ENKUR: variants seen among roughly 807,000 people sequenced by gnomAD.
ENKUR encodes enkurin.
ENKUR carries 19 observed loss-of-function variants against 27.6 expected under a neutral mutation model. The ratio of observed to expected loss-of-function variants is 0.69; its 90% CI spans 0.48 to 1.01. The LOEUF is 1.01. ENKUR is among the 50% of genes least tolerant of loss of function. The probability of loss-of-function intolerance (pLI) is 0.00; values close to 1 mark genes in which losing one functional copy is unlikely to be tolerated. For missense variants in ENKUR, 312 were observed against 310.5 expected (o/e 1.00, Z -0.04); for synonymous variants, 117 against 96.9 (o/e 1.21, Z -1.22).
At chr10:25,023,166 T>C (rs1320620374) in intron 2 of ENKUR, 1 of 1,519,390 alleles carries the variant, frequency 6.6e-7, no homozygotes, top group Non-Finnish European at 8.8e-7. Context: ...TTGTTTTGTG[T>C]TTTGAAAAGG....
At chr10:25,061,396 A>T (rs1851326143) in intron 1 of ENKUR, 1 of 456,666 alleles carries the variant, frequency 2.2e-6, no homozygotes. Flanking sequence ...CAGTGCACAG[A>T]TGGCAAGGTG....
intron 2 of ENKUR, among the ~76,000 whole-genome samples, chr10:25,022,630 G>A (rs1330774504): frequency 6.6e-6 from 1 of 152,112 alleles, no homozygotes; most frequent in Admixed American, 6.5e-5. Context: ...TTTTATTCTG[G>A]TTTCCTGTTA....
chr10:25,016,234 CTCTTTCT>C (rs1850569199), upstream of ENKUR: 7 of 1,063,140 alleles, frequency 6.6e-6, no homozygotes, highest in Admixed American at 5.1e-5. Context: ...CCCCTCTTCC[CTCTTTCT>C]GCAGCGCCTT....
At chr10:25,016,441 A>G (rs1292657824), upstream of ENKUR, among the ~76,000 whole-genome samples, 1 of 152,244 alleles carries the variant, frequency 6.6e-6, no homozygotes, top group South Asian at 2.1e-4. Flanking sequence ...TTTTGTGAGC[A>G]GGCCCCAATC....
intron 2 of ENKUR, among the ~76,000 whole-genome samples, chr10:25,044,762 C>T (rs1171055107): frequency 2.6e-5 from 4 of 152,214 alleles, no homozygotes; most frequent in Non-Finnish European, 4.4e-5. Context: ...CTGCTCAGTT[C>T]GTTCTTTCCA....
intron 2 of ENKUR, among the ~76,000 whole-genome samples, chr10:25,043,476 C>G (rs914093346): frequency 1.4e-4 from 22 of 151,960 alleles, no homozygotes; most frequent in African/African-American, 4.8e-4. Context: ...ACATCTTTCC[C>G]CCAGTATATA....
intron 1 of ENKUR, among the ~76,000 whole-genome samples, chr10:25,005,761 C>T (rs1850299292): frequency 6.6e-6 from 1 of 152,230 alleles, no homozygotes; most frequent in South Asian, 2.1e-4. Context: ...GGTTGTCTGT[C>T]ATAGCTCTGA....
chr10:25,029,509 T>C (rs1805464617), intron 2 of ENKUR, among the ~76,000 whole-genome samples: 1 of 152,038 alleles, frequency 6.6e-6, no homozygotes, highest in Non-Finnish European at 1.5e-5. Flanking sequence ...ATCCATTAAA[T>C]CGTTTATAAA....
intron 4 of ENKUR, among the ~76,000 whole-genome samples, chr10:24,990,059 G>T (rs950582801): frequency 2.6e-5 from 4 of 152,076 alleles, no homozygotes; most frequent in African/African-American, 9.7e-5. Flanking sequence ...TTGTTTTAAG[G>T]ACAGTTTCAA....
Position 24,999,475 on chromosome 10 carries a change from C to G in ENKUR, c.149G>C (p.Gly50Ala). 1.2e-6 allele frequency: 2 copies of G among 1,613,086 alleles called. No homozygotes were observed. The highest frequency in any genetic ancestry group is 1.7e-6 in the Non-Finnish European group (2 of 1,179,600). Reference protein sequence around the residue: ...QKAKTAMKTMGPAKVEVPSPK... With the variant: ...QKAKTAMKTMAPAKVEVPSPK... ...AGAAGGTACTTCAACTTTTGCTGGT[C>G]CCATAGTTTTCATTGCAGTTTTAGC... The change falls in exon 2 of 6, where the codon GGA (glycine) becomes GCA (alanine). Residue 50 changes from glycine (G) to alanine (A), a missense_variant. Coordinates refer to ENST00000331161, the MANE Select transcript of ENKUR (RefSeq NM_145010.4).
intron 2 of ENKUR, among the ~76,000 whole-genome samples, chr10:25,056,971 A>C (rs1302872300): frequency 6.6e-6 from 1 of 152,208 alleles, no homozygotes; most frequent in East Asian, 1.9e-4. Flanking sequence ...GACAGATGTC[A>C]TAGCTAGAGC....
chr10:25,012,390 T>C (rs1393531366), intron 1 of ENKUR, among the ~76,000 whole-genome samples: 1 of 152,132 alleles, frequency 6.6e-6, no homozygotes, highest in Non-Finnish European at 1.5e-5. Context: ...ACTGAGAGCA[T>C]GCACCATGCA....
chr10:25,013,070 C>G (rs1850486927), intron 1 of ENKUR, among the ~76,000 whole-genome samples: 1 of 152,086 alleles, frequency 6.6e-6, no homozygotes, highest in Non-Finnish European at 1.5e-5. Context: ...GGGGAGTTCC[C>G]CTGCACACAC....
intron 2 of ENKUR, among the ~76,000 whole-genome samples, chr10:25,044,520 C>T (rs1463364196): frequency 6.6e-6 from 1 of 152,158 alleles, no homozygotes; most frequent in East Asian, 1.9e-4. Context: ...CCTCAGCCTC[C>T]CAAGCAGCTG....
intron 1 of ENKUR, among the ~76,000 whole-genome samples, chr10:25,012,153 T>C (rs2087782): frequency 0.34 from 51,082 of 152,150 alleles, 8,845 homozygotes; most frequent in East Asian, 0.5. Context: ...AAGTCAAGAA[T>C]TGAGGTTTGG....
intron 2 of ENKUR, among the ~76,000 whole-genome samples, chr10:25,045,774 A>G (rs1007482321): frequency 6.6e-6 from 1 of 152,206 alleles, no homozygotes; most frequent in African/African-American, 2.4e-5. Flanking sequence ...CTTGTTTATA[A>G]AACAAAAAAC....
upstream of ENKUR, chr10:25,016,180 A>T: frequency 8.5e-7 from 1 of 1,183,156 alleles, no homozygotes; most frequent in Non-Finnish European, 1.0e-6. Flanking sequence ...GGAAACCGTT[A>T]CTAGGCAACG....
At chr10:25,023,848 C>G (rs777422006) in intron 2 of ENKUR, 2 of 1,614,072 alleles carry the variant, frequency 1.2e-6, no homozygotes, top group South Asian at 1.1e-5. Context: ...TGGGGCTTCC[C>G]CAGAGGAGGT....
At position 24,983,155 on chromosome 10, in the gene ENKUR, C is replaced by A. The variant is rs998894162; in HGVS notation, c.*1215G>T. 6.6e-6 allele frequency: 1 copy of A among 152,134 alleles called. No individual in the cohort carries two copies. Among genetic ancestry groups the A allele is most frequent in the Admixed American group, 6.5e-5 (1 of 15,274 alleles). 9.4% of individuals were successfully genotyped at this position (152,134 alleles called of 1,614,324 possible). On this transcript the variant is annotated 3_prime_UTR_variant, in exon 6 of 6. Coordinates refer to ENST00000331161, the MANE Select transcript of ENKUR (RefSeq NM_145010.4). ...GCATGGAACAGACTTATACCCCTAC[C>A]CTTAGTCACATTGCACAGTGATGTA...
Sources: gnomAD v4.1 joint callset for allele counts (sites outside exome capture counted in the v4.1 genomes callset) on GRCh38, gnomAD v4.1.1 for gene constraint, MANE v1.5 for transcripts, NCBI Gene and HGNC (gene_info 2026-07-23, HGNC 2026-07-21) for gene names.